Variants in NRXN1 observed in about 807,000 individuals in gnomAD.
NRXN1 encodes the protein neurexin 1, also known as neurexin-1.
NRXN1 carries 39 observed loss-of-function variants against 150.9 expected under a neutral mutation model. That is an observed-to-expected ratio of 0.26 (90% confidence interval 0.20 to 0.34). The LOEUF (loss-of-function observed/expected upper bound fraction) is 0.34, where lower values mean the gene tolerates loss of function less well. Among genes scored for constraint, NRXN1 ranks in the 10% least tolerant of loss-of-function variants. The pLI, the probability that NRXN1 is intolerant of heterozygous loss-of-function variation, is 1.00. For missense variants in NRXN1, 1,815 were observed against 1,949.9 expected (o/e 0.93, Z 1.30); for synonymous variants, 924 against 757.0 (o/e 1.22, Z -3.62).
At chr2:50,333,091 T>C (rs1367316213) in intron 17 of NRXN1, among the ~76,000 whole-genome samples, 2 of 152,186 alleles carry the variant, frequency 1.3e-5, no homozygotes, top group Non-Finnish European at 2.9e-5. Flanking sequence ...CCTTTCAGTG[T>C]TTCTTTCCCA....
At position 50,495,387 on chromosome 2, in the gene NRXN1, GTGTGTGT is replaced by G. The variant is rs2091527065; in HGVS notation, c.3070+511_3070+517del. Among the ~76,000 whole-genome samples, 5 of 137,350 alleles carry G rather than the reference GTGTGTGT, an allele frequency of 3.6e-5. No homozygotes were observed. In the Middle Eastern group the frequency reaches 0.011, roughly 294 times the overall value. The allele number at this position is 137,350 out of a possible 152,430, so 90.1% of individuals were successfully genotyped here. On this transcript the variant is annotated intron_variant, in intron 15 of 22. Transcript: ENST00000401669. The stretch of plus-strand genomic sequence containing the variant: ...GTGTGTGTGTGTGTGTGTGGTGTGT[GTGTGTGT>G]GTGTGTGTGTGTGTGTGTGTGTGTG...
At chr2:50,396,191 C>T (rs2082040440) in intron 17 of NRXN1, among the ~76,000 whole-genome samples, 1 of 152,106 alleles carries the variant, frequency 6.6e-6, no homozygotes, top group South Asian at 2.1e-4. Context: ...GGCAGAACTG[C>T]CAAAATCTTC....
intron 15 of NRXN1, among the ~76,000 whole-genome samples, chr2:50,477,537 G>A (rs1481356355): frequency 1.3e-5 from 2 of 152,126 alleles, no homozygotes; most frequent in Admixed American, 6.5e-5. Context: ...GAAGCATAAG[G>A]CAATTAGAGT....
intron 4 of NRXN1, 22 bp from the exon 5 acceptor site, chr2:50,921,902 T>A: frequency 7.2e-7 from 1 of 1,387,294 alleles, no homozygotes; most frequent in Non-Finnish European, 9.6e-7. Flanking sequence ...ATGAAATGGG[T>A]CCATGAAGAA....
chr2:50,654,283 G>T (rs892873025), intron 5 of NRXN1, among the ~76,000 whole-genome samples: 3 of 140,030 alleles, frequency 2.1e-5, no homozygotes, highest in Admixed American at 1.5e-4. Flanking sequence ...GTGGTGTTTG[G>T]TTTTTTTGTC....
chr2:50,497,054 C>T (rs184135460), intron 14 of NRXN1, among the ~76,000 whole-genome samples: 2 of 152,214 alleles, frequency 1.3e-5, no homozygotes, highest in African/African-American at 4.8e-5. Context: ...AGGAAATGCC[C>T]ATTTGAATTG....
At chr2:50,221,159 G>A (rs1023386127) in intron 18 of NRXN1, among the ~76,000 whole-genome samples, 3 of 146,486 alleles carry the variant, frequency 2.0e-5, no homozygotes, top group Non-Finnish European at 4.5e-5. Flanking sequence ...GCTGTGTATC[G>A]TGAAGACAAA....
chr2:50,375,610 G>A (rs1245895229), intron 17 of NRXN1, among the ~76,000 whole-genome samples: 1 of 150,636 alleles, frequency 6.6e-6, no homozygotes, highest in African/African-American at 2.5e-5. Flanking sequence ...AAATATCTTT[G>A]TATGTGAAAG....
intron 18 of NRXN1, among the ~76,000 whole-genome samples, chr2:50,207,930 G>C (rs1306026887): frequency 6.6e-6 from 1 of 152,022 alleles, no homozygotes; most frequent in Non-Finnish European, 1.5e-5. Context: ...TTGGTATATG[G>C]TTTGAAGACC....
intron 5 of NRXN1, among the ~76,000 whole-genome samples, chr2:50,670,641 C>A (rs1688709135): frequency 6.6e-6 from 1 of 151,848 alleles, no homozygotes; most frequent in African/African-American, 2.4e-5. Flanking sequence ...TTATTCTGTA[C>A]CTGGATCCAA....
intron 18 of NRXN1, among the ~76,000 whole-genome samples, chr2:50,179,503 T>C (rs1432572442): frequency 1.3e-5 from 2 of 152,166 alleles, no homozygotes; most frequent in African/African-American, 2.4e-5. Context: ...GAAACCATTT[T>C]TCCCCATCCC....
Position 50,828,517 on chromosome 2 carries a change from C to A in NRXN1, c.832+93352G>T, listed in dbSNP as rs1482445704. On this transcript the variant is annotated intron_variant, in intron 5 of 22. Coordinates refer to ENST00000401669, the MANE Select transcript of NRXN1 (RefSeq NM_001330078.2). ...GGGTCTCCTCCCTTCTCAGACGGGGCGGCTGGGCAGAGACGCTCCTCACCT... is the reference window on the plus strand; with the variant it reads ...GGGTCTCCTCCCTTCTCAGACGGGGAGGCTGGGCAGAGACGCTCCTCACCT... Among the ~76,000 whole-genome samples, 17 of 149,318 alleles carry A rather than the reference C, an allele frequency of 1.1e-4. No individual in the cohort carries two copies. In the South Asian group the frequency reaches 3.4e-3, roughly 30 times the overall value.
At chr2:50,448,766 C>G (rs776369706) in intron 17 of NRXN1, among the ~76,000 whole-genome samples, 1 of 152,034 alleles carries the variant, frequency 6.6e-6, no homozygotes, top group Non-Finnish European at 1.5e-5. Flanking sequence ...CTTTGGCAGC[C>G]GACAATCCAG....
chr2:50,348,869 G>T (rs1288726752), intron 17 of NRXN1, among the ~76,000 whole-genome samples: 2 of 150,340 alleles, frequency 1.3e-5, no homozygotes, highest in Admixed American at 1.3e-4. Context: ...TCTATTTAAA[G>T]CCAAAAGAAA....
chr2:50,829,412 G>T (rs1337341326), intron 5 of NRXN1: 2 of 1,367,718 alleles, frequency 1.5e-6, no homozygotes, highest in African/African-American at 1.4e-5. Context: ...ACAGGCATGA[G>T]CCACTGTGCC....
chr2:50,967,435 C>A (rs753108338), intron 2 of NRXN1, among the ~76,000 whole-genome samples: 8 of 151,934 alleles, frequency 5.3e-5, no homozygotes, highest in Non-Finnish European at 7.4e-5. Context: ...AAATCCATAC[C>A]TGAACAGTCT....
rs10634117 is a variant in NRXN1, at chr2:50,649,259, TACACACAC to T, written c.833-25652_833-25645del. 1.8e-3 allele frequency among the ~76,000 whole-genome samples: 262 copies of T among 143,322 alleles called. 1 individual carries two copies. Among genetic ancestry groups the T allele is most frequent in the Admixed American group, 6.2e-3 (87 of 14,128 alleles). The allele number at this position is 143,322 out of a possible 152,430, so 94.0% of individuals were successfully genotyped here. On this transcript the variant is annotated intron_variant, in intron 5 of 22. Transcript: ENST00000401669. ...AAGCATGTATACACACATACACACATACACACACACACACACACACACACACACACACA... is the reference window on the plus strand; with the variant it reads ...AAGCATGTATACACACATACACACATACACACACACACACACACACACACA...
chr2:50,999,398 G>T (rs1699747420), intron 2 of NRXN1, among the ~76,000 whole-genome samples: 1 of 151,982 alleles, frequency 6.6e-6, no homozygotes, highest in Admixed American at 6.6e-5. Context: ...AGGAATGAAG[G>T]TGTTTATATG....
intron 19 of NRXN1, among the ~76,000 whole-genome samples, chr2:50,076,851 G>A (rs568583382): frequency 1.3e-5 from 2 of 152,278 alleles, no homozygotes; most frequent in South Asian, 4.1e-4. Flanking sequence ...TTACAGATCT[G>A]AATAGAAGAA....
Sources: gnomAD v4.1 joint callset for allele counts (sites outside exome capture counted in the v4.1 genomes callset) on GRCh38, gnomAD v4.1.1 for gene constraint, MANE v1.5 for transcripts, NCBI Gene and HGNC (gene_info 2026-07-23, HGNC 2026-07-21) for gene names.